The following PXDN variants were observed in gnomAD, a reference collection of about 807,000 sequenced individuals.
PXDN encodes the protein peroxidasin homolog.
In PXDN, 77 loss-of-function variants were observed where a neutral mutation model predicts 140.3. The ratio of observed to expected loss-of-function variants is 0.55; its 90% CI spans 0.46 to 0.66. The LOEUF (loss-of-function observed/expected upper bound fraction) is 0.66. Among genes scored for constraint, PXDN ranks in the 30% least tolerant of loss-of-function variants. PXDN has a pLI of 0.00. For missense variants in PXDN, 1,838 were observed against 2,039.5 expected (o/e 0.90, Z 1.90); for synonymous variants, 911 against 857.4 (o/e 1.06, Z -1.09).
rs1455107370 is a variant in PXDN, at chr2:1,638,840, C to A, written c.4206+6G>T. The A allele has an allele frequency of 1.9e-6, 3 of 1,613,956 alleles. No individual in the cohort carries two copies. Among genetic ancestry groups the A allele is most frequent in the South Asian group, 2.2e-5 (2 of 91,080 alleles). Reference sequence around the variant, plus strand: ...GTGGGGGGACACAGGCCGCCAGGCACCTCACCTGTGTTCTGAGGTCTGTGA... The same window carrying A: ...GTGGGGGGACACAGGCCGCCAGGCAACTCACCTGTGTTCTGAGGTCTGTGA... On this transcript the variant is annotated splice_donor_region_variant and intron_variant, in intron 21 of 22. Coordinates refer to ENST00000252804, the MANE Select transcript of PXDN (RefSeq NM_012293.3).
intron 1 of PXDN, among the ~76,000 whole-genome samples, chr2:1,717,861 A>AG (rs1684930025): frequency 6.7e-6 from 1 of 149,618 alleles, no homozygotes; most frequent in South Asian, 2.1e-4. Context: ...CGACCACCCA[A>AG]GGCTATTCTA....
rs1684081941 is a variant in PXDN, at chr2:1,687,237, G to A, written c.416+395C>T. 6.6e-6 allele frequency among the ~76,000 whole-genome samples: 1 copy of A among 152,222 alleles called. No individual in the cohort carries two copies. Among genetic ancestry groups the A allele is most frequent in the Non-Finnish European group, 1.5e-5 (1 of 68,046 alleles). ...GGAGGAACAGTGAACGAGGCAAAGA[G>A]CCCTCTCCTCCCCGGGCACCCTGGA... On this transcript the variant is annotated intron_variant, in intron 4 of 22. Transcript: ENST00000252804. This position sits in a 1 kb window ranked among gnomAD's most constrained non-coding sequence, Gnocchi z 4.0.
intron 9 of PXDN, among the ~76,000 whole-genome samples, 156 bp from the exon 10 acceptor site, chr2:1,666,642 A>G (rs1454315663): frequency 2.0e-5 from 3 of 152,244 alleles, no homozygotes; most frequent in African/African-American, 7.2e-5. Flanking sequence ...AGAAATGTGC[A>G]GACAATAAAA....
rs1024768619 is a variant in PXDN at position 1,639,244 on chromosome 2, C to G, written c.4073+58G>C. 1.3e-6 allele frequency: 2 copies of G among 1,566,094 alleles called. No homozygotes were observed. Among genetic ancestry groups the G allele is most frequent in the South Asian group, 2.3e-5 (2 of 85,850 alleles). The stretch of plus-strand genomic sequence containing the variant: ...ACAGCAGGATGCCGGTCCTACTGCC[C>G]GACGCCCGCGGTGCGAGGGCCCCTC... On this transcript the variant is annotated intron_variant, in intron 20 of 22. Transcript: ENST00000252804. This position sits in a 1 kb window ranked among gnomAD's most constrained non-coding sequence, Gnocchi z 5.0.
intron 1 of PXDN, among the ~76,000 whole-genome samples, chr2:1,704,444 T>C (rs1684535494): frequency 2.0e-5 from 1 of 49,160 alleles, no homozygotes; most frequent in Non-Finnish European, 3.2e-5. Context: ...AGGGGACAAC[T>C]CCAGGTGAAG....
At position 1,635,804 on chromosome 2, in the gene PXDN, A is replaced by G. The variant is rs141360433; in HGVS notation, c.4207-283T>C. 309 of 427,928 alleles carry G rather than the reference A, an allele frequency of 7.2e-4. 3 individuals carry two copies. Among genetic ancestry groups the G allele is most frequent in the African/African-American group, 5.5e-3 (273 of 49,458 alleles). 26.5% of individuals were successfully genotyped at this position (427,928 alleles called of 1,614,324 possible). A position where few individuals can be genotyped will look rare whatever the true frequency, so the allele number is the denominator to read the frequency against. ...GACTGTGGGAGCAAGATTCAACCAG[A>G]TGACGAGAACGTCCTGCACCTACAC... is the stretch of plus-strand genomic sequence containing the variant. On this transcript the variant is annotated intron_variant, in intron 21 of 22. Transcript: ENST00000252804.
chr2:1,693,143 A>G lies in PXDN; in HGVS notation c.201-9T>C. The stretch of plus-strand genomic sequence containing the variant: ...TGTTAAAGCGAAGATCTCTGTGAAG[A>G]AACAAGAAAGGTATTATTACGTGAA... On this transcript the variant is annotated splice_polypyrimidine_tract_variant and intron_variant, in intron 1 of 22. Transcript: ENST00000252804. The G allele has an allele frequency of 6.5e-7, 1 of 1,544,084 alleles. No homozygotes were observed. Among genetic ancestry groups the G allele is most frequent in the Non-Finnish European group, 8.8e-7 (1 of 1,141,556 alleles).
chr2:1,645,478 C>T (rs1044497806), intron 17 of PXDN, among the ~76,000 whole-genome samples: 2 of 152,164 alleles, frequency 1.3e-5, no homozygotes, highest in Non-Finnish European at 2.9e-5. Flanking sequence ...ATTCTCACTG[C>T]CCTTTTCTAC....
chr2:1,678,584 T>C (rs972228021), intron 7 of PXDN, among the ~76,000 whole-genome samples: 1 of 152,218 alleles, frequency 6.6e-6, no homozygotes, highest in Admixed American at 6.5e-5. Context: ...GTCGGTTTCT[T>C]GGAAAACCAT....
intron 1 of PXDN, among the ~76,000 whole-genome samples, chr2:1,704,952 T>TGATG (rs940724202): frequency 1.3e-5 from 2 of 152,100 alleles, no homozygotes; most frequent in Non-Finnish European, 2.9e-5. Context: ...TAAGAGCAGA[T>TGATG]GATGCATCAT....
At position 1,687,340 on chromosome 2, in the gene PXDN, T is replaced by C. The variant is rs755426881; in HGVS notation, c.416+292A>G. Among the ~76,000 whole-genome samples the C allele has an allele frequency of 1.4e-4, 21 of 152,090 alleles. No homozygotes were observed. The highest frequency in any genetic ancestry group is 2.5e-4 in the Non-Finnish European group (17 of 67,982). ...CCTCTAAGTTGTGACAGGGATTCCATCGATATTACTGTCCTTGGTGTCAGG... is the reference window on the plus strand; with the variant it reads ...CCTCTAAGTTGTGACAGGGATTCCACCGATATTACTGTCCTTGGTGTCAGG... On this transcript the variant is annotated intron_variant, in intron 4 of 22. Transcript: ENST00000252804. This position sits in a 1 kb window ranked among gnomAD's most constrained non-coding sequence, Gnocchi z 4.0.
rs768493807 is a variant in PXDN at position 1,654,482 on chromosome 2, G to T, written c.1864C>A (p.Pro622Thr). 2 of 1,613,468 alleles carry T rather than the reference G, an allele frequency of 1.2e-6. No individual in the cohort carries two copies. The highest frequency in any genetic ancestry group is 1.7e-6 in the Non-Finnish European group (2 of 1,179,458). ...NVPDVSRNGD[P>T]FVATSIVEAI... ...TCCACGATGGAGGTAGCTACAAACG[G>T]ATCTCCATTTCGACTGACGTCAGGA... The change falls in exon 15 of 23, where the codon CCG becomes ACG. Residue 622 changes from proline (P) to threonine (T), a missense_variant. This residue lies in a region of PXDN where 537 missense variants were observed against 583.9 expected (regional missense o/e 0.92). Transcript: ENST00000252804.
chr2:1,666,193 G>A, intron 10 of PXDN, 21 bp downstream of exon 10: 1 of 1,611,368 alleles, frequency 6.2e-7, no homozygotes, highest in Non-Finnish European at 8.5e-7. Flanking sequence ...CCTGGCTCTG[G>A]CACAGAGGAT....
At chr2:1,666,525 C>A in intron 9 of PXDN, 39 bp from the exon 10 acceptor site, 2 of 1,551,906 alleles carry the variant, frequency 1.3e-6, no homozygotes, top group South Asian at 1.2e-5. Context: ...TAATTTCTCC[C>A]GGTTTGACAT....
chr2:1,686,782 CCCCCTGCACCGCTTGG>C (rs1236041164), intron 4 of PXDN, among the ~76,000 whole-genome samples: 3 of 152,196 alleles, frequency 2.0e-5, no homozygotes, highest in Non-Finnish European at 4.4e-5. Flanking sequence ...GAGTGGTCTC[CCCCCTGCACCGCTTGG>C]CCTCAAACTC....
chr2:1,695,436 TGG>T (rs1341374153), intron 1 of PXDN, among the ~76,000 whole-genome samples: 8 of 121,292 alleles, frequency 6.6e-5, no homozygotes, highest in African/African-American at 2.2e-4. Context: ...TGTGCCCTGC[TGG>T]ACAGAGAGGT....
Position 1,660,778 on chromosome 2 carries a change from T to A in PXDN, c.1837+103A>T. On this transcript the variant is annotated intron_variant, in intron 14 of 22. Transcript: ENST00000252804. The surrounding 1 kb of genome is among the most constrained non-coding windows in gnomAD (Gnocchi z 4.6). The stretch of plus-strand genomic sequence containing the variant: ...AATCAAGGGTGCTTTGTCTTCTGAA[T>A]AATTCTGAACAGCCTAAGTCAACTG... 1 of 1,412,694 alleles carries A rather than the reference T, an allele frequency of 7.1e-7. No individual in the cohort carries two copies. Among genetic ancestry groups the A allele is most frequent in the Non-Finnish European group, 9.5e-7 (1 of 1,055,666 alleles). 87.5% of individuals were successfully genotyped at this position (1,412,694 alleles called of 1,614,324 possible).
At chr2:1,677,594 A>G (rs78886712) in intron 7 of PXDN, among the ~76,000 whole-genome samples, 3,162 of 152,118 alleles carry the variant, frequency 0.021, 114 homozygotes, top group East Asian at 0.14. Flanking sequence ...CCGTGACTCC[A>G]CATGGCTTCC....
intron 14 of PXDN, among the ~76,000 whole-genome samples, chr2:1,658,657 C>T (rs372112812): frequency 2.6e-5 from 4 of 152,244 alleles, no homozygotes; most frequent in African/African-American, 9.6e-5. Flanking sequence ...CTGCTGGGAA[C>T]TTCCTCATGG....
Sources: allele counts gnomAD v4.1 joint callset (sites outside exome capture counted in the v4.1 genomes callset), GRCh38; gene constraint gnomAD v4.1.1; regional missense constraint gnomAD v4.1.1; non-coding constraint Gnocchi (gnomAD v3.1); transcripts MANE v1.5; gene names NCBI Gene and HGNC (gene_info 2026-07-23, HGNC 2026-07-21).